Variants in SLK observed in about 807,000 individuals in gnomAD.
SLK encodes the protein STE20 like kinase.
A neutral mutation model predicts 147.7 loss-of-function variants in SLK; 67 were observed. That is an observed-to-expected ratio of 0.45 (90% CI 0.37 to 0.56). The LOEUF (loss-of-function observed/expected upper bound fraction) is 0.56, where lower values mean the gene tolerates loss of function less well. Ranked by LOEUF, SLK falls within the 20% of genes least tolerant of loss-of-function variation. The pLI is 0.00. For synonymous variants in SLK, 441 were observed against 475.0 expected (o/e 0.93, Z 0.93); for missense variants, 1,136 against 1,438.8 (o/e 0.79, Z 3.41).
intron 1 of SLK, among the ~76,000 whole-genome samples, chr10:103,982,798 A>G (rs755409867): frequency 1.3e-5 from 2 of 152,180 alleles, no homozygotes; most frequent in Admixed American, 6.5e-5. Context: ...CACTGCCTTG[A>G]TTTCACCTCT....
chr10:104,008,392 T>C (rs1292871015), intron 12 of SLK, 36 bp downstream of exon 12: 1 of 1,433,844 alleles, frequency 7.0e-7, no homozygotes, highest in Non-Finnish European at 9.5e-7. Context: ...TACTAAAGCT[T>C]TTTTTTTAAA....
chr10:103,979,879 T>C (rs1432962706), intron 1 of SLK, among the ~76,000 whole-genome samples: 2 of 152,224 alleles, frequency 1.3e-5, no homozygotes, highest in Non-Finnish European at 2.9e-5. Context: ...GTCCAATTTA[T>C]TAACTTTTCC....
chr10:104,003,178 G>T lies in SLK; in HGVS notation c.2000G>T (p.Ser667Ile). ...VADTDQKALG[S>I]EVQDASKVTT... is the part of the protein sequence containing the mutation. ...GATACTGACCAAAAGGCTTTAGGAA[G>T]TGAAGTTCAGGATGCTTCTAAAGTC... The change falls in exon 9 of 19, where the codon AGT becomes ATT. Residue 667 changes from serine (S) to isoleucine (I), a missense_variant. Physicochemically the swap from Ser to Ile is moderately radical, Grantham distance 142 (BLOSUM62 -2). Coordinates refer to ENST00000369755, the MANE Select transcript of SLK (RefSeq NM_014720.4). 6.2e-7 allele frequency: 1 copy of T among 1,614,072 alleles called. No homozygotes were observed. Among genetic ancestry groups the T allele is most frequent in the South Asian group, 1.1e-5 (1 of 91,074 alleles).
intron 1 of SLK, among the ~76,000 whole-genome samples, chr10:103,986,204 CTTTG>C (rs3068938): frequency 0.02 from 3,070 of 152,178 alleles, 65 homozygotes; most frequent in South Asian, 0.11. Context: ...TTATTGTATA[CTTTG>C]TTTGTATTAT....
chr10:104,020,693 C>T, intron 17 of SLK, 80 bp downstream of exon 17: 1 of 1,446,496 alleles, frequency 6.9e-7, no homozygotes, highest in Non-Finnish European at 9.4e-7. Context: ...AGTAGCTAGC[C>T]AAAGTCAACT....
chr10:103,988,623 AC>A (rs1484252806), intron 1 of SLK, among the ~76,000 whole-genome samples: 4 of 152,144 alleles, frequency 2.6e-5, no homozygotes, highest in Non-Finnish European at 4.4e-5. Context: ...TAGCTACATG[AC>A]CTGGGAAAGC....
At chr10:103,973,330 T>G (rs1843818735) in intron 1 of SLK, among the ~76,000 whole-genome samples, 1 of 152,212 alleles carries the variant, frequency 6.6e-6, no homozygotes, top group Non-Finnish European at 1.5e-5. Flanking sequence ...TTATGTAGCA[T>G]GTGTCTGTTT....
intron 1 of SLK, chr10:103,974,497 C>T (rs1843835475): frequency 7.1e-6 from 1 of 140,198 alleles, no homozygotes; most frequent in African/African-American, 2.6e-5. Flanking sequence ...CGCCTGTAGT[C>T]CCAGCTACTC....
At chr10:104,015,622 CCTT>C (rs1308366961) in intron 13 of SLK, among the ~76,000 whole-genome samples, 2 of 152,142 alleles carry the variant, frequency 1.3e-5, no homozygotes, top group African/African-American at 2.4e-5. Context: ...ATTTTAGTAA[CCTT>C]CTAAGTAGTA....
At position 104,002,214 on chromosome 10, in the gene SLK, G is replaced by A. The variant is rs759799710; in HGVS notation, c.1036G>A (p.Ala346Thr). The A allele has an allele frequency of 6.2e-6, 10 of 1,603,438 alleles. No individual in the cohort carries two copies. The Admixed American group carries it at 8.6e-5, about 14-fold the overall frequency. The change falls in exon 9 of 19, where the codon GCC becomes ACC. Residue 346 changes from alanine to threonine, a missense_variant. Physicochemically the swap from Ala to Thr is moderately conservative, Grantham distance 58. Transcript: ENST00000369755. ...SKRASSDLSI[A>T]SSEEDKLSQN... ...GCGTGCATCTTCTGACCTTAGTATC[G>A]CCAGCTCTGAAGAAGATAAACTTTC...
chr10:104,000,946 C>A (rs1330946826), intron 7 of SLK, among the ~76,000 whole-genome samples: 1 of 149,582 alleles, frequency 6.7e-6, no homozygotes, highest in Non-Finnish European at 1.5e-5. Flanking sequence ...GTAATCTTAG[C>A]TACTCGGGAG....
chr10:103,986,840 G>A (rs969880971), intron 1 of SLK, among the ~76,000 whole-genome samples: 1 of 151,948 alleles, frequency 6.6e-6, no homozygotes, highest in Non-Finnish European at 1.5e-5. Context: ...CACCATGCCT[G>A]GTTAATTTTG....
chr10:104,017,108 A>C (rs1844474343), intron 13 of SLK, among the ~76,000 whole-genome samples: 1 of 152,120 alleles, frequency 6.6e-6, no homozygotes, highest in South Asian at 2.1e-4. Flanking sequence ...TTTTTTGCAC[A>C]ATAATTGAAG....
chr10:104,015,198 A>G (rs1844446745), intron 13 of SLK, among the ~76,000 whole-genome samples: 1 of 152,162 alleles, frequency 6.6e-6, no homozygotes, highest in Non-Finnish European at 1.5e-5. Context: ...TTTCAAGTCT[A>G]CAGCTCTGTA....
rs1844122162 is a variant in SLK, at chr10:103,993,082, G to T, written c.463G>T (p.Asp155Tyr). The change falls in exon 4 of 19, where the codon GAT (aspartate) becomes TAT (tyrosine). Residue 155 changes from aspartate (D) to tyrosine (Y), a missense_variant. Asp to Tyr is a radical substitution (Grantham distance 160). Coordinates refer to ENST00000369755, the MANE Select transcript of SLK (RefSeq NM_014720.4). ...ACATGATAATAAGATCATCCACAGA[G>T]ATCTGAAGGCTGGCAACATTCTCTT... Reference protein sequence around the residue: ...YLHDNKIIHRDLKAGNILFTL... With the variant: ...YLHDNKIIHRYLKAGNILFTL... The T allele has an allele frequency of 6.2e-7, 1 of 1,611,148 alleles. No individual in the cohort carries two copies. Among genetic ancestry groups the T allele is most frequent in the Non-Finnish European group, 8.5e-7 (1 of 1,178,332 alleles).
At chr10:103,987,191 T>C (rs556426911) in intron 1 of SLK, among the ~76,000 whole-genome samples, 15 of 152,200 alleles carry the variant, frequency 9.9e-5, no homozygotes, top group Non-Finnish European at 1.9e-4. Context: ...TAATGTAACT[T>C]TTATTATTTA....
chr10:104,006,033 A>T lies in SLK; in HGVS notation c.2602A>T (p.Met868Leu), dbSNP rs766510971. ...QIFRRFEQEM[M>L]SKKRQYDQEI... ...TTTCCGGCGCTTTGAGCAGGAAATG[A>T]TGGTAAAGTCTGATTGTTATACCAT... is the stretch of plus-strand genomic sequence containing the variant. Residue 868 changes from methionine (M) to leucine (L), a missense_variant and splice_region_variant, in exon 11 of 19, where the codon ATG becomes TTG. Coordinates refer to ENST00000369755, the MANE Select transcript of SLK (RefSeq NM_014720.4). 1 of 1,611,730 alleles carries T rather than the reference A, an allele frequency of 6.2e-7. No homozygotes were observed. The highest frequency in any genetic ancestry group is 1.3e-5 in the African/African-American group (1 of 74,722).
At chr10:104,008,140 T>C (rs1564660330) in intron 11 of SLK, 37 bp from the exon 12 acceptor site, 2 of 1,536,114 alleles carry the variant, frequency 1.3e-6, no homozygotes, top group Non-Finnish European at 8.9e-7. Flanking sequence ...ATATGGGTGA[T>C]GGAAAAGTTA....
intron 1 of SLK, among the ~76,000 whole-genome samples, chr10:103,981,014 A>G (rs973455793): frequency 6.6e-6 from 1 of 152,160 alleles, no homozygotes; most frequent in African/African-American, 2.4e-5. Context: ...TTTTAAAGTA[A>G]TAGTCATCCT....
Sources: gnomAD v4.1 joint callset for allele counts (sites outside exome capture counted in the v4.1 genomes callset) on GRCh38, gnomAD v4.1.1 for gene constraint, MANE v1.5 for transcripts, NCBI Gene and HGNC (gene_info 2026-07-23, HGNC 2026-07-21) for gene names.